The following AHI1 variants were observed in gnomAD, a reference collection of about 807,000 sequenced individuals.
AHI1 encodes Abelson helper integration site 1, also known as jouberin.
In AHI1, 123 loss-of-function variants were observed where a neutral mutation model predicts 149.3. The ratio of observed to expected loss-of-function variants is 0.82; its 90% CI spans 0.71 to 0.96. The LOEUF (loss-of-function observed/expected upper bound fraction) is 0.96. AHI1 is among the 40% of genes least tolerant of loss of function. The probability of loss-of-function intolerance (pLI) is 0.00; values close to 1 mark genes in which losing one functional copy is unlikely to be tolerated. For synonymous variants in AHI1, 475 were observed against 459.8 expected (o/e 1.03, Z -0.42); for missense variants, 1,439 against 1,422.7 (o/e 1.01, Z -0.18).
chr6:135,294,698 C>CAAAAAAAAAAAAAAAAAAAAA (rs56734547), intron 27 of AHI1, among the ~76,000 whole-genome samples: 2 of 68,014 alleles, frequency 2.9e-5, no homozygotes, highest in African/African-American at 4.8e-5. Flanking sequence ...TCTCCAAATG[C>CAAAAAAAAAAAAAAAAAAAAA]AAAAAAAAAA....
chr6:135,490,934 C>T (rs1001203729), intron 4 of AHI1, among the ~76,000 whole-genome samples, 187 bp from the exon 5 acceptor site: 18 of 152,244 alleles, frequency 1.2e-4, no homozygotes, highest in African/African-American at 4.3e-4. Context: ...CAACATTCAC[C>T]TGTATCCCTC....
chr6:135,293,392 C>CAAAAAAAAA (rs1175955601), intron 27 of AHI1, among the ~76,000 whole-genome samples: 2 of 20,082 alleles, frequency 1.0e-4, no homozygotes, highest in South Asian at 1.7e-3. Context: ...GTTAACAGGG[C>CAAAAAAAAA]AAAAAAAAAA....
chr6:135,338,400 C>G (rs1789754871), intron 24 of AHI1, among the ~76,000 whole-genome samples: 1 of 151,474 alleles, frequency 6.6e-6, no homozygotes, highest in Non-Finnish European at 1.5e-5. Flanking sequence ...GAAATGTAGA[C>G]AGTTGATTAG....
intron 23 of AHI1, among the ~76,000 whole-genome samples, chr6:135,391,901 G>A (rs910571380): frequency 6.6e-6 from 1 of 152,138 alleles, no homozygotes; most frequent in African/African-American, 2.4e-5. Flanking sequence ...GAGTAATCAC[G>A]AGTGGCTCCT....
At chr6:135,432,704 T>C (rs2128021248) in intron 16 of AHI1, among the ~76,000 whole-genome samples, 1 of 152,256 alleles carries the variant, frequency 6.6e-6, no homozygotes, top group South Asian at 2.1e-4. Context: ...AAATTTCCCT[T>C]CTATATGTTT....
At chr6:135,376,356 T>C (rs73776502) in intron 23 of AHI1, among the ~76,000 whole-genome samples, 8,017 of 152,128 alleles carry the variant, frequency 0.053, 626 homozygotes, top group African/African-American at 0.17. Flanking sequence ...ATTCAACAAT[T>C]ACAAAGAAAA....
intron 26 of AHI1, chr6:135,307,175 GT>G (rs1740147737): frequency 6.6e-6 from 1 of 152,164 alleles, no homozygotes; most frequent in African/African-American, 2.4e-5. Flanking sequence ...GTTCCAACAT[GT>G]TGAAACATCT....
intron 24 of AHI1, among the ~76,000 whole-genome samples, chr6:135,328,482 GGTGCCATAAACCATAGCCATA>G (rs59395091): frequency 0.46 from 69,399 of 151,718 alleles, 17,417 homozygotes; most frequent in Middle Eastern, 0.61. Flanking sequence ...ATTCTTTTGG[GGTGCCATAAACCATAGCCATA>G]GAAGACAATA....
At chr6:135,384,641 G>C (rs1777313501) in intron 23 of AHI1, among the ~76,000 whole-genome samples, 1 of 152,114 alleles carries the variant, frequency 6.6e-6, no homozygotes, top group Non-Finnish European at 1.5e-5. Flanking sequence ...CATTAGGCAA[G>C]TTTTATTATT....
At chr6:135,416,894 A>G (rs535900134) in intron 20 of AHI1, among the ~76,000 whole-genome samples, 1 of 152,158 alleles carries the variant, frequency 6.6e-6, no homozygotes, top group South Asian at 2.1e-4. Context: ...CCTCAATACT[A>G]ATTACTGTTT....
chr6:135,464,005 C>G (rs1266617710), intron 7 of AHI1, among the ~76,000 whole-genome samples: 2 of 152,066 alleles, frequency 1.3e-5, no homozygotes, highest in Non-Finnish European at 2.9e-5. Context: ...ACTACATTTT[C>G]AGAAGGCTAT....
chr6:135,405,729 G>A (rs1481496105), intron 21 of AHI1, among the ~76,000 whole-genome samples: 13 of 151,640 alleles, frequency 8.6e-5, no homozygotes, highest in Non-Finnish European at 1.8e-4. Context: ...GCGTTGTGGC[G>A]CGTACCTGTA....
chr6:135,321,255 C>A (rs1230226003), intron 25 of AHI1, among the ~76,000 whole-genome samples: 2 of 150,904 alleles, frequency 1.3e-5, no homozygotes, highest in Non-Finnish European at 2.9e-5. Flanking sequence ...AAAGTGAGGC[C>A]CCGTCTCAGA....
chr6:135,419,908 A>T (rs1201641914), intron 20 of AHI1, among the ~76,000 whole-genome samples: 1 of 152,116 alleles, frequency 6.6e-6, no homozygotes, highest in Non-Finnish European at 1.5e-5. Context: ...AAATATATGG[A>T]ATTTCCTAAA....
chr6:135,386,919 A>C (rs900707527), intron 23 of AHI1, among the ~76,000 whole-genome samples: 5 of 151,794 alleles, frequency 3.3e-5, no homozygotes, highest in Admixed American at 6.6e-5. Flanking sequence ...GAGCCACCCC[A>C]CCTGGCCTTT....
intron 11 of AHI1, among the ~76,000 whole-genome samples, chr6:135,449,083 G>A (rs1285890620): frequency 6.6e-6 from 1 of 152,056 alleles, no homozygotes; most frequent in Non-Finnish European, 1.5e-5. Flanking sequence ...ATCTCGCTCT[G>A]TTATCCAGGC....
chr6:135,364,195 G>C (rs1395731316), intron 23 of AHI1, among the ~76,000 whole-genome samples: 2 of 151,674 alleles, frequency 1.3e-5, no homozygotes, highest in Non-Finnish European at 2.9e-5. Context: ...GCCAGGCAGA[G>C]GGTCTCCTCA....
intron 20 of AHI1, among the ~76,000 whole-genome samples, chr6:135,423,253 G>T (rs1258000072): frequency 6.6e-6 from 1 of 152,078 alleles, no homozygotes; most frequent in African/African-American, 2.4e-5. Flanking sequence ...TACTGATGAT[G>T]CCTCTCAGCA....
At chr6:135,383,220 C>G (rs1054527459) in intron 23 of AHI1, among the ~76,000 whole-genome samples, 1 of 75,434 alleles carries the variant, frequency 1.3e-5, no homozygotes, top group Non-Finnish European at 2.4e-5. Context: ...CTTCCTTCCC[C>G]CCTCCCTTTT....
Sources: allele counts gnomAD v4.1 joint callset (sites outside exome capture counted in the v4.1 genomes callset), GRCh38; gene constraint gnomAD v4.1.1; transcripts MANE v1.5; gene names NCBI Gene and HGNC (gene_info 2026-07-23, HGNC 2026-07-21).